The following USP14 variants were observed in gnomAD, a reference collection of about 807,000 sequenced individuals.
The protein encoded by USP14 is ubiquitin specific peptidase 14.
In USP14, 38 loss-of-function variants were observed where a neutral mutation model predicts 76.5. The ratio of observed to expected loss-of-function variants is 0.50; its 90% confidence interval spans 0.38 to 0.65. The LOEUF (loss-of-function observed/expected upper bound fraction) is 0.65. Ranked by LOEUF, USP14 falls within the 30% of genes least tolerant of loss-of-function variation. The probability of loss-of-function intolerance (pLI) is 0.00; values close to 1 mark genes in which losing one functional copy is unlikely to be tolerated. For synonymous variants in USP14, 192 were observed against 191.7 expected, an observed-to-expected ratio of 1.00 and a Z score of -0.01; for missense variants, 467 against 586.5, an observed-to-expected ratio of 0.80 and a Z score of 2.10.
At chr18:197,960 AAAT>A (rs1451754250) in intron 8 of USP14, 84 bp from the exon 9 acceptor site, 13 of 1,176,986 alleles carry the variant, frequency 1.1e-5, no homozygotes, top group Non-Finnish European at 1.4e-5. Context: ...ATTTTTAAAA[AAAT>A]ATGTATTACT....
intron 10 of USP14, among the ~76,000 whole-genome samples, chr18:200,925 C>T (rs1910368222): frequency 6.6e-6 from 1 of 152,140 alleles, no homozygotes; most frequent in Admixed American, 6.5e-5. Context: ...CCTTAGCCTC[C>T]TGAGTAGCTG....
intron 10 of USP14, 66 bp from the exon 11 acceptor site, chr18:202,814 G>C: frequency 6.6e-7 from 1 of 1,518,470 alleles, no homozygotes; most frequent in Non-Finnish European, 9.1e-7. Flanking sequence ...TTACTGGTGT[G>C]ATTCTATATT....
chr18:158,892 C>G (rs1306443934), intron 1 of USP14, 178 bp downstream of exon 1: 2 of 1,065,404 alleles, frequency 1.9e-6, no homozygotes, highest in Non-Finnish European at 2.4e-6. Flanking sequence ...GGTCGGAGCC[C>G]TGCGTGGCAG....
At chr18:187,766 T>C (rs1272888971) in intron 5 of USP14, among the ~76,000 whole-genome samples, 1 of 152,186 alleles carries the variant, frequency 6.6e-6, no homozygotes, top group Non-Finnish European at 1.5e-5. Flanking sequence ...TTCCAAGATA[T>C]ACTTTCCCCT....
Position 173,315 on chromosome 18 carries a change from GT to G in USP14, c.196-5616del, listed in dbSNP as rs772758705. On this transcript the variant is annotated intron_variant, in intron 3 of 15. Coordinates refer to ENST00000261601, the MANE Select transcript of USP14 (RefSeq NM_005151.4). ...TTTAGTAGAGACGGGGTTTCACCAT[GT>G]TAGCCAGGATGGTCTCTATCTCCTG... is the stretch of plus-strand genomic sequence containing the variant. Among the ~76,000 whole-genome samples, 11 of 151,704 alleles carry G rather than the reference GT, an allele frequency of 7.3e-5. No homozygotes were observed. The East Asian group carries it at 2.1e-3, about 30-fold the overall frequency.
intron 2 of USP14, among the ~76,000 whole-genome samples, chr18:165,636 G>A (rs1909249337): frequency 6.6e-6 from 1 of 152,130 alleles, no homozygotes; most frequent in African/African-American, 2.4e-5. Context: ...TTTTATAAAT[G>A]AGTGTCAAAG....
intron 3 of USP14, among the ~76,000 whole-genome samples, chr18:178,246 G>A (rs992484651): frequency 1.3e-5 from 2 of 152,014 alleles, no homozygotes; most frequent in South Asian, 4.2e-4. Flanking sequence ...TCTTGAACTG[G>A]ACTCCAACCA....
intron 6 of USP14, among the ~76,000 whole-genome samples, chr18:195,513 C>T (rs945088921): frequency 2.6e-5 from 4 of 152,148 alleles, no homozygotes; most frequent in Non-Finnish European, 4.4e-5. Flanking sequence ...GGTATGATCA[C>T]TAGGAAGTCC....
chr18:196,903 A>G, intron 7 of USP14, 136 bp downstream of exon 7: 1 of 1,124,518 alleles, frequency 8.9e-7, no homozygotes, highest in Non-Finnish European at 1.3e-6. Flanking sequence ...TCTTGCCTGG[A>G]GCCGCACAGT....
At position 158,682 on chromosome 18, in the gene USP14, T is replaced by TCCCGCCGCGC; in HGVS notation, c.-10_-1dup. ...GGCCCAGCTCTCCTGCGCCGCCGCC[T>TCCCGCCGCGC]CCCGCCGCGCCCCGCCATGCCGCTC... On this transcript the variant is annotated 5_prime_UTR_variant, in exon 1 of 16. Transcript: ENST00000261601. 1 of 1,518,146 alleles carries TCCCGCCGCGC rather than the reference T, an allele frequency of 6.6e-7. No individual in the cohort carries two copies. The highest frequency in any genetic ancestry group is 8.8e-7 in the Non-Finnish European group (1 of 1,141,270). The allele number at this position is 1,518,146 out of a possible 1,614,324, so 94.0% of individuals were successfully genotyped here. A position where few individuals can be genotyped will look rare whatever the true frequency, so the allele number is the denominator to read the frequency against.
chr18:195,726 T>C (rs1910212808), intron 6 of USP14, among the ~76,000 whole-genome samples: 2 of 152,266 alleles, frequency 1.3e-5, no homozygotes, highest in Non-Finnish European at 2.9e-5. Flanking sequence ...GAACCAACTA[T>C]AGGTTTAAAG....
chr18:179,573 GTTTTTTTTTTTGC>G (rs1465641764), intron 4 of USP14, among the ~76,000 whole-genome samples: 1 of 125,286 alleles, frequency 8.0e-6, no homozygotes, highest in Non-Finnish European at 1.7e-5. Context: ...CATTTTCATG[GTTTTTTTTTTTGC>G]TTTTTTTTTT....
intron 10 of USP14, 106 bp downstream of exon 10, chr18:199,422 G>A: frequency 5.4e-6 from 4 of 745,384 alleles, no homozygotes; most frequent in Non-Finnish European, 4.5e-6. Flanking sequence ...GACATGTGCA[G>A]AGCAATACGC....
intron 1 of USP14, chr18:158,945 GAGA>G (rs1909035742): frequency 1.9e-6 from 1 of 514,580 alleles, no homozygotes; most frequent in Admixed American, 4.5e-5. Flanking sequence ...GGGGGGAGTG[GAGA>G]TGGGGAAGCC....
In USP14 at chr18:210,498, A is replaced by G. The variant is rs1289844717; in HGVS notation, c.1333+5A>G. On this transcript the variant is annotated splice_donor_5th_base_variant and intron_variant, in intron 15 of 15. Coordinates refer to ENST00000261601, the MANE Select transcript of USP14 (RefSeq NM_005151.4). ...CATGGGTGAAAAGGAAACAAGGTAA[A>G]GGGTATTCTTTTTTCAACTGTTCAA... The G allele has an allele frequency of 3.2e-6, 5 of 1,559,292 alleles. No homozygotes were observed. The highest frequency in any genetic ancestry group is 4.4e-6 in the Non-Finnish European group (5 of 1,141,056).
At chr18:210,318 GTTAC>G in intron 14 of USP14, 64 bp from the exon 15 acceptor site, 1 of 1,142,936 alleles carries the variant, frequency 8.7e-7, no homozygotes, top group South Asian at 1.5e-5. Context: ...AGTTATTCTT[GTTAC>G]TTAGCTTGAG....
intron 3 of USP14, among the ~76,000 whole-genome samples, chr18:167,934 CT>C (rs34207469): frequency 0.13 from 14,879 of 115,836 alleles, 415 homozygotes; most frequent in African/African-American, 0.18. Flanking sequence ...ATTTTTCTCT[CT>C]TTTTTTTTTT....
intron 5 of USP14, among the ~76,000 whole-genome samples, chr18:190,782 T>G (rs1202887747): frequency 6.6e-6 from 1 of 152,160 alleles, no homozygotes; most frequent in African/African-American, 2.4e-5. Context: ...CTCAGTACTT[T>G]TGACTGTAAA....
intron 2 of USP14, among the ~76,000 whole-genome samples, chr18:165,089 C>A (rs1250488460): frequency 1.3e-5 from 2 of 152,080 alleles, no homozygotes; most frequent in African/African-American, 4.8e-5. Flanking sequence ...GCTGGGATAA[C>A]AGGTCACCAC....
Sources: gnomAD v4.1 joint callset for allele counts (sites outside exome capture counted in the v4.1 genomes callset) on GRCh38, gnomAD v4.1.1 for gene constraint, MANE v1.5 for transcripts, NCBI Gene and HGNC (gene_info 2026-07-23, HGNC 2026-07-21) for gene names.